Variants in CD2AP observed in about 807,000 individuals in gnomAD.
The protein encoded by CD2AP is CD2 associated protein, also known as CD2-associated protein.
In CD2AP, 46 loss-of-function variants were observed where a neutral mutation model predicts 85.1. The observed-to-expected ratio is 0.54, with a 90% CI of 0.43 to 0.69. The LOEUF (loss-of-function observed/expected upper bound fraction) is 0.69. CD2AP is among the 30% of genes least tolerant of loss of function. CD2AP has a pLI of 0.00. For synonymous variants in CD2AP, 255 were observed against 252.9 expected, an observed-to-expected ratio of 1.01 and a Z score of -0.08; for missense variants, 769 against 729.5, an observed-to-expected ratio of 1.05 and a Z score of -0.62.
intron 1 of CD2AP, among the ~76,000 whole-genome samples, chr6:47,481,905 GCA>G (rs1418504456): frequency 6.6e-6 from 1 of 152,114 alleles, no homozygotes; most frequent in Non-Finnish European, 1.5e-5. Flanking sequence ...GGCTACAGGT[GCA>G]CACTACCACC....
At chr6:47,526,836 A>G (rs1283109957) in intron 2 of CD2AP, among the ~76,000 whole-genome samples, 1 of 152,206 alleles carries the variant, frequency 6.6e-6, no homozygotes, top group Non-Finnish European at 1.5e-5. Context: ...TGAGGCAGAC[A>G]GGAGAATCCA....
chr6:47,537,580 T>C (rs1378765040), intron 3 of CD2AP, among the ~76,000 whole-genome samples: 1 of 152,210 alleles, frequency 6.6e-6, no homozygotes, highest in Non-Finnish European at 1.5e-5. Flanking sequence ...AATATACATA[T>C]ACTTTTTTAA....
chr6:47,506,785 G>C (rs1297771588), intron 2 of CD2AP, among the ~76,000 whole-genome samples: 2 of 135,754 alleles, frequency 1.5e-5, no homozygotes, highest in African/African-American at 5.3e-5. Flanking sequence ...ACCGTGGGGA[G>C]AGGGAGACGG....
Position 47,606,289 on chromosome 6 carries a change from T to A in CD2AP, c.1530+12T>A. ...ATGGTGGACATTCTGTGAGTTCATC[T>A]AATTGTCGTAAACTACAGTATATTT... On this transcript the variant is annotated intron_variant, in intron 14 of 17. Transcript: ENST00000359314. 1 of 1,418,606 alleles carries A rather than the reference T, an allele frequency of 7.0e-7. No homozygotes were observed. The highest frequency in any genetic ancestry group is 1.0e-6 in the Non-Finnish European group (1 of 1,001,672). 87.9% of individuals were successfully genotyped at this position (1,418,606 alleles called of 1,614,324 possible).
intron 9 of CD2AP, 44 bp downstream of exon 9, chr6:47,579,533 T>C: frequency 8.1e-7 from 1 of 1,234,968 alleles, no homozygotes; most frequent in Non-Finnish European, 1.2e-6. Flanking sequence ...GAAAGAACAT[T>C]TTGCCACTAT....
At position 47,503,441 on chromosome 6, in the gene CD2AP, G is replaced by GT; in HGVS notation, c.165+2dup. On this transcript the variant is annotated splice_donor_variant, in intron 2 of 17. Coordinates refer to ENST00000359314, the MANE Select transcript of CD2AP (RefSeq NM_012120.3). LOFTEE classifies it high-confidence loss of function. ...AATGTTCCCTGACAATTTCGTTAAG[G>GT]TAAGTATTTTCAGTTAAATTTCTAG... The GT allele has an allele frequency of 6.2e-7, 1 of 1,612,966 alleles. No individual in the cohort carries two copies. The highest frequency in any genetic ancestry group is 8.5e-7 in the Non-Finnish European group (1 of 1,179,060).
At chr6:47,602,264 A>G (rs1769162093) in intron 13 of CD2AP, among the ~76,000 whole-genome samples, 1 of 151,942 alleles carries the variant, frequency 6.6e-6, no homozygotes, top group Admixed American at 6.6e-5. Context: ...TAGCTTCTTC[A>G]TATATATTCT....
intron 3 of CD2AP, among the ~76,000 whole-genome samples, chr6:47,537,802 T>G (rs1268093714): frequency 1.3e-5 from 2 of 152,106 alleles, no homozygotes; most frequent in Non-Finnish European, 2.9e-5. Context: ...GAGAATTTTT[T>G]TTTTTTTTGG....
Position 47,612,552 on chromosome 6 carries a change from C to T in CD2AP, c.1878+16C>T, listed in dbSNP as rs780941458. On this transcript the variant is annotated intron_variant, in intron 17 of 17. Coordinates refer to ENST00000359314, the MANE Select transcript of CD2AP (RefSeq NM_012120.3). ...TAATCTAGAGGTAATTAATTTCTTC[C>T]AGCATTGAGAGTTTAGTGAGCATAA... is the stretch of plus-strand genomic sequence containing the variant. 6.4e-7 allele frequency: 1 copy of T among 1,569,816 alleles called. No individual in the cohort carries two copies. The highest frequency in any genetic ancestry group is 2.3e-5 in the East Asian group (1 of 44,354).
intron 3 of CD2AP, among the ~76,000 whole-genome samples, chr6:47,540,838 A>C (rs1008144589): frequency 2.0e-5 from 3 of 152,222 alleles, no homozygotes; most frequent in Non-Finnish European, 4.4e-5. Flanking sequence ...CCTTGAACAA[A>C]ATAGACATTT....
At chr6:47,539,066 C>T (rs771044785) in intron 3 of CD2AP, among the ~76,000 whole-genome samples, 1 of 152,144 alleles carries the variant, frequency 6.6e-6, no homozygotes, top group Admixed American at 6.5e-5. Context: ...TTAATTAAAT[C>T]TGCCACATAA....
intron 3 of CD2AP, among the ~76,000 whole-genome samples, chr6:47,536,837 A>G (rs1767061450): frequency 6.6e-6 from 1 of 152,182 alleles, no homozygotes; most frequent in South Asian, 2.1e-4. Context: ...ATAATGGTAA[A>G]ATATTGTGTT....
intron 4 of CD2AP, among the ~76,000 whole-genome samples, chr6:47,550,186 C>A (rs1310014278): frequency 2.6e-5 from 4 of 152,010 alleles, no homozygotes; most frequent in Admixed American, 6.6e-5. Flanking sequence ...AAAGCAAATG[C>A]ACTAAAAACA....
intron 12 of CD2AP, among the ~76,000 whole-genome samples, chr6:47,598,899 T>G (rs1343193195): frequency 1.3e-5 from 2 of 150,334 alleles, no homozygotes; most frequent in Non-Finnish European, 3.0e-5. Flanking sequence ...AAAAACCTGT[T>G]GAAATAAAAA....
intron 5 of CD2AP, among the ~76,000 whole-genome samples, chr6:47,557,705 C>T (rs557571064): frequency 6.5e-4 from 99 of 152,266 alleles, no homozygotes; most frequent in Admixed American, 9.8e-4. Context: ...TGGTACCAGA[C>T]CATGCTGTTT....
At chr6:47,515,440 C>A (rs146166806) in intron 2 of CD2AP, among the ~76,000 whole-genome samples, 1 of 152,132 alleles carries the variant, frequency 6.6e-6, no homozygotes, top group Non-Finnish European at 1.5e-5. Flanking sequence ...TGTATGAATA[C>A]TTTGCATATT....
At chr6:47,499,960 C>A (rs918992615) in intron 1 of CD2AP, among the ~76,000 whole-genome samples, 4 of 152,164 alleles carry the variant, frequency 2.6e-5, no homozygotes, top group African/African-American at 9.7e-5. Context: ...AACTCCTGAC[C>A]TCAGGTGATC....
intron 5 of CD2AP, among the ~76,000 whole-genome samples, chr6:47,555,854 CATA>C (rs1767666943): frequency 7.2e-6 from 1 of 139,538 alleles, no homozygotes; most frequent in Non-Finnish European, 1.6e-5. Context: ...AGTTTCTAAG[CATA>C]ATGTTTGCAG....
chr6:47,599,251 A>AC (rs1562050793), intron 12 of CD2AP, 50 bp from the exon 13 acceptor site: 1 of 1,506,496 alleles, frequency 6.6e-7, no homozygotes, highest in South Asian at 1.1e-5. Flanking sequence ...AATTTAAAAA[A>AC]AAGTCGTGTT....
Sources: gnomAD v4.1 joint callset for allele counts (sites outside exome capture counted in the v4.1 genomes callset) on GRCh38, gnomAD v4.1.1 for gene constraint, MANE v1.5 for transcripts, NCBI Gene and HGNC (gene_info 2026-07-23, HGNC 2026-07-21) for gene names.